The following STK39 variants were observed in gnomAD, a reference collection of about 807,000 sequenced individuals.
STK39 encodes serine/threonine kinase 39, also known as STE20/SPS1-related proline-alanine-rich protein kinase.
In STK39, 20 loss-of-function variants were observed where a neutral mutation model predicts 77.8. The ratio of observed to expected loss-of-function variants is 0.26; its 90% CI spans 0.18 to 0.37. STK39 has a LOEUF of 0.37. Among genes scored for constraint, STK39 ranks in the 10% least tolerant of loss-of-function variants. The pLI, the probability that STK39 is intolerant of heterozygous loss-of-function variation, is 1.00. For synonymous variants in STK39, 246 were observed against 234.1 expected (o/e 1.05, Z -0.47); for missense variants, 479 against 656.5 (o/e 0.73, Z 2.95).
chr2:168,082,652 A>G (rs1440546478), intron 10 of STK39, among the ~76,000 whole-genome samples: 2 of 152,180 alleles, frequency 1.3e-5, no homozygotes, highest in Admixed American at 1.3e-4. Context: ...GACTGCTCCC[A>G]GCCCAGTACA....
chr2:168,157,871 T>C (rs1688474878), intron 5 of STK39, among the ~76,000 whole-genome samples: 1 of 152,212 alleles, frequency 6.6e-6, no homozygotes, highest in Non-Finnish European at 1.5e-5. Context: ...AAGTTCTTTA[T>C]AAATCAAAGG....
chr2:168,196,599 T>TG (rs1207086280), intron 1 of STK39, among the ~76,000 whole-genome samples: 1 of 152,198 alleles, frequency 6.6e-6, no homozygotes, highest in Non-Finnish European at 1.5e-5. Context: ...GAGGTTGCAG[T>TG]GACCTGTGAT....
At chr2:168,153,384 C>T (rs1223907561) in intron 5 of STK39, among the ~76,000 whole-genome samples, 1 of 152,084 alleles carries the variant, frequency 6.6e-6, no homozygotes, top group Admixed American at 6.6e-5. Flanking sequence ...AAATATAATA[C>T]ATAGTAGTAG....
intron 1 of STK39, among the ~76,000 whole-genome samples, chr2:168,244,817 G>A (rs1028239326): frequency 6.6e-6 from 1 of 152,164 alleles, no homozygotes; most frequent in East Asian, 1.9e-4. Flanking sequence ...CAATGCAAAT[G>A]CGCAAAAGTC....
At chr2:168,066,068 T>C (rs964954432) in intron 12 of STK39, among the ~76,000 whole-genome samples, 9 of 151,972 alleles carry the variant, frequency 5.9e-5, no homozygotes, top group African/African-American at 2.2e-4. Flanking sequence ...GAAACAGCAA[T>C]GAAAATGAAC....
chr2:168,113,804 C>G (rs916651153), intron 10 of STK39, among the ~76,000 whole-genome samples: 3 of 152,298 alleles, frequency 2.0e-5, no homozygotes, highest in Non-Finnish European at 4.4e-5. Context: ...GTTTCAGAAC[C>G]ACTGAACTAG....
At chr2:168,039,986 T>C (rs1160717097) in intron 14 of STK39, among the ~76,000 whole-genome samples, 2 of 152,114 alleles carry the variant, frequency 1.3e-5, no homozygotes, top group East Asian at 1.9e-4. Context: ...TGAGCCTCTC[T>C]ATCCCTACCT....
chr2:168,053,180 C>T (rs2105369519), intron 14 of STK39, among the ~76,000 whole-genome samples: 1 of 152,218 alleles, frequency 6.6e-6, no homozygotes, highest in South Asian at 2.1e-4. Context: ...CTGGGAACTC[C>T]CTCAATATCA....
intron 5 of STK39, among the ~76,000 whole-genome samples, chr2:168,159,371 G>A (rs927378244): frequency 6.6e-6 from 1 of 151,974 alleles, no homozygotes; most frequent in African/African-American, 2.4e-5. Flanking sequence ...TCTTCCCCCC[G>A]ATCTCGCCTG....
At chr2:168,077,603 A>G (rs1686113532) in intron 10 of STK39, among the ~76,000 whole-genome samples, 1 of 152,340 alleles carries the variant, frequency 6.6e-6, no homozygotes, top group East Asian at 1.9e-4. Flanking sequence ...TATGTAGGGA[A>G]TAGTATTGGT....
At chr2:168,074,685 A>C (rs1686029463) in intron 12 of STK39, among the ~76,000 whole-genome samples, 1 of 152,226 alleles carries the variant, frequency 6.6e-6, no homozygotes, top group Non-Finnish European at 1.5e-5. Context: ...TGTGACAAGG[A>C]TTCCGTGGAG....
chr2:168,166,378 C>T (rs1416620455), intron 3 of STK39, among the ~76,000 whole-genome samples: 8 of 152,186 alleles, frequency 5.3e-5, no homozygotes, highest in Non-Finnish European at 1.0e-4. Context: ...GATGTGAAAG[C>T]ACCTTGTAAA....
At position 168,008,466 on chromosome 2, in the gene STK39, A is replaced by G. The variant is rs561566391; in HGVS notation, c.1498+4168T>C. 1.5e-4 allele frequency among the ~76,000 whole-genome samples: 23 copies of G among 152,334 alleles called. No homozygotes were observed. The East Asian group carries it at 4.1e-3, about 27-fold the overall frequency. Reference sequence around the variant, plus strand: ...ATTCCTGGAGGGGCAGGCTGGGAAGAAACACCAGGGGCTGGATTTTGAAGC... The same window carrying G: ...ATTCCTGGAGGGGCAGGCTGGGAAGGAACACCAGGGGCTGGATTTTGAAGC... On this transcript the variant is annotated intron_variant, in intron 16 of 17. Coordinates refer to ENST00000355999, the MANE Select transcript of STK39 (RefSeq NM_013233.3).
At chr2:168,041,069 T>C (rs1365339217) in intron 14 of STK39, among the ~76,000 whole-genome samples, 2 of 152,130 alleles carry the variant, frequency 1.3e-5, no homozygotes, top group South Asian at 4.1e-4. Context: ...CCTTGCCCAC[T>C]TGGAGCTTAC....
chr2:168,149,181 A>G (rs1688217504), intron 5 of STK39, among the ~76,000 whole-genome samples: 1 of 124,430 alleles, frequency 8.0e-6, no homozygotes. Flanking sequence ...CTGACCTGTA[A>G]GATCCAAAGG....
chr2:168,163,059 A>G (rs1688615530), intron 4 of STK39, among the ~76,000 whole-genome samples: 1 of 152,126 alleles, frequency 6.6e-6, no homozygotes, highest in Admixed American at 6.6e-5. Context: ...ATATAGTAGA[A>G]ATAATTAAAT....
intron 1 of STK39, among the ~76,000 whole-genome samples, chr2:168,244,578 T>C (rs1052862450): frequency 3.9e-5 from 6 of 152,242 alleles, no homozygotes; most frequent in African/African-American, 1.2e-4. Flanking sequence ...AACTTCTGCG[T>C]GTAATGTTTA....
At chr2:168,070,905 T>G (rs1685925020) in intron 12 of STK39, among the ~76,000 whole-genome samples, 1 of 152,170 alleles carries the variant, frequency 6.6e-6, no homozygotes, top group African/African-American at 2.4e-5. Context: ...TTCTAAAATC[T>G]TACAGATTAT....
intron 14 of STK39, among the ~76,000 whole-genome samples, chr2:168,030,482 G>A (rs1049518178): frequency 6.6e-6 from 1 of 152,104 alleles, no homozygotes; most frequent in Non-Finnish European, 1.5e-5. Context: ...TAATGTATAT[G>A]TGTAATCGAA....
Sources: gnomAD v4.1 joint callset for allele counts (sites outside exome capture counted in the v4.1 genomes callset) on GRCh38, gnomAD v4.1.1 for gene constraint, MANE v1.5 for transcripts, NCBI Gene and HGNC (gene_info 2026-07-23, HGNC 2026-07-21) for gene names.